Variants in KIRREL3 observed in about 807,000 individuals in gnomAD.
KIRREL3 encodes kin of IRRE-like protein 3.
KIRREL3 carries 36 observed loss-of-function variants against 89.7 expected under a neutral mutation model. The observed-to-expected ratio is 0.40, with a 90% CI of 0.31 to 0.53. The LOEUF (loss-of-function observed/expected upper bound fraction) is 0.53, where lower values mean the gene tolerates loss of function less well. Among genes scored for constraint, KIRREL3 ranks in the 20% least tolerant of loss-of-function variants. The probability of loss-of-function intolerance (pLI) is 0.49; values close to 1 mark genes in which losing one functional copy is unlikely to be tolerated. For synonymous variants in KIRREL3, 445 were observed against 441.4 expected, an observed-to-expected ratio of 1.01 and a Z score of -0.10; for missense variants, 864 against 1,056.6, an observed-to-expected ratio of 0.82 and a Z score of 2.53.
At chr11:126,831,176 C>T (rs952725637) in intron 1 of KIRREL3, among the ~76,000 whole-genome samples, 4 of 152,154 alleles carry the variant, frequency 2.6e-5, no homozygotes, top group Admixed American at 6.6e-5. Context: ...ATCAAATACC[C>T]GGCATGATGC....
Position 126,709,925 on chromosome 11 carries a change from T to C in KIRREL3, c.56-147013A>G, listed in dbSNP as rs145480478. 2.0e-5 allele frequency among the ~76,000 whole-genome samples: 3 copies of C among 152,298 alleles called. No homozygotes were observed. The highest frequency in any genetic ancestry group is 4.4e-5 in the Non-Finnish European group (3 of 68,020). On this transcript the variant is annotated intron_variant, in intron 1 of 16. Transcript: ENST00000525144. This position sits in a 1 kb window ranked among gnomAD's most constrained non-coding sequence, Gnocchi z 4.0. ...ATGTGAGCTACCTTACTGAGCATCT[T>C]CTATACAGCAAGCACCAGGCTACGC... is the stretch of plus-strand genomic sequence containing the variant.
chr11:126,853,303 G>A (rs548509343), intron 1 of KIRREL3, among the ~76,000 whole-genome samples: 2 of 152,096 alleles, frequency 1.3e-5, no homozygotes, highest in African/African-American at 2.4e-5. Context: ...AGGAAACTTG[G>A]CTTTCCAAAC....
rs890009470 is a variant in KIRREL3, at chr11:126,810,491, G to A, written c.55+189964C>T. Reference sequence around the variant, plus strand: ...TCCCTTTGGATCCTTCCAGAATCTCGGATTTCCACATGTTTCCAAGCTCTA... The same window carrying A: ...TCCCTTTGGATCCTTCCAGAATCTCAGATTTCCACATGTTTCCAAGCTCTA... On this transcript the variant is annotated intron_variant, in intron 1 of 16. Coordinates refer to ENST00000525144, the MANE Select transcript of KIRREL3 (RefSeq NM_032531.4). 3.9e-5 allele frequency among the ~76,000 whole-genome samples: 6 copies of A among 152,014 alleles called. No individual in the cohort carries two copies. The East Asian group carries it at 7.7e-4, about 20-fold the overall frequency.
Position 126,686,102 on chromosome 11 carries a change from C to T in KIRREL3, c.56-123190G>A, listed in dbSNP as rs993349604. On this transcript the variant is annotated intron_variant, in intron 1 of 16. Transcript: ENST00000525144. The surrounding 1 kb of genome is among the most constrained non-coding windows in gnomAD (Gnocchi z 4.7). ...AGCAAACCCTGCCTCAGATGGCCCC[C>T]GAGTCCATCAGCAGCTCCTTCCCTG... 5.3e-5 allele frequency among the ~76,000 whole-genome samples: 8 copies of T among 152,172 alleles called. No homozygotes were observed. Among genetic ancestry groups the T allele is most frequent in the Non-Finnish European group, 7.4e-5 (5 of 68,022 alleles).
intron 1 of KIRREL3, among the ~76,000 whole-genome samples, chr11:126,930,370 C>G (rs1947899792): frequency 6.6e-6 from 1 of 152,154 alleles, no homozygotes; most frequent in South Asian, 2.1e-4. Context: ...GGAGCTCACC[C>G]TTGCCTGTTG....
chr11:126,901,825 A>C (rs1019506876), intron 1 of KIRREL3, among the ~76,000 whole-genome samples: 3 of 152,164 alleles, frequency 2.0e-5, no homozygotes, highest in Non-Finnish European at 4.4e-5. Context: ...GGAGAGCAAA[A>C]TCCTTCAAAA....
rs1345210135 is a variant in KIRREL3, at chr11:126,703,030, G to A, written c.56-140118C>T. ...GTCTTTTTATTTTCAGAGTGGCAGG[G>A]AGGATGGTTTATGGTGAGTATGGAC... On this transcript the variant is annotated intron_variant, in intron 1 of 16. Transcript: ENST00000525144. This position sits in a 1 kb window ranked among gnomAD's most constrained non-coding sequence, Gnocchi z 4.6. Among the ~76,000 whole-genome samples, 1 of 152,228 alleles carries A rather than the reference G, an allele frequency of 6.6e-6. No individual in the cohort carries two copies. Among genetic ancestry groups the A allele is most frequent in the Non-Finnish European group, 1.5e-5 (1 of 68,046 alleles).
chr11:126,553,794 C>T lies in KIRREL3; in HGVS notation c.133+9041G>A, dbSNP rs1331342592. On this transcript the variant is annotated intron_variant, in intron 2 of 16. Coordinates refer to ENST00000525144, the MANE Select transcript of KIRREL3 (RefSeq NM_032531.4). This position sits in a 1 kb window ranked among gnomAD's most constrained non-coding sequence, Gnocchi z 4.7. ...CACTCGGCCAGGCCATTGGTCACTG[C>T]CCATGATTCAGTAAAACCTAAACAC... 5.3e-5 allele frequency among the ~76,000 whole-genome samples: 8 copies of T among 152,204 alleles called. No individual in the cohort carries two copies. The highest frequency in any genetic ancestry group is 1.2e-4 in the Non-Finnish European group (8 of 68,032).
At chr11:126,973,320 G>A (rs1005220162) in intron 1 of KIRREL3, among the ~76,000 whole-genome samples, 3 of 152,104 alleles carry the variant, frequency 2.0e-5, no homozygotes, top group Non-Finnish European at 2.9e-5. Flanking sequence ...AGCCTCAGGG[G>A]CCACCATTCA....
intron 1 of KIRREL3, among the ~76,000 whole-genome samples, chr11:126,911,811 G>A (rs981444073): frequency 2.6e-5 from 4 of 152,054 alleles, no homozygotes; most frequent in Admixed American, 2.6e-4. Context: ...GTGAAACCCT[G>A]TCTCTACTAA....
intron 1 of KIRREL3, among the ~76,000 whole-genome samples, chr11:126,646,088 T>C (rs1049273724): frequency 6.6e-6 from 1 of 152,078 alleles, no homozygotes; most frequent in African/African-American, 2.4e-5. Flanking sequence ...CAATAATGCT[T>C]TACAGCCGGC....
In KIRREL3 at chr11:126,622,002, G is replaced by A. The variant is rs953706006; in HGVS notation, c.56-59090C>T. Among the ~76,000 whole-genome samples, 1 of 152,140 alleles carries A rather than the reference G, an allele frequency of 6.6e-6. No homozygotes were observed. The highest frequency in any genetic ancestry group is 1.5e-5 in the Non-Finnish European group (1 of 68,038). On this transcript the variant is annotated intron_variant, in intron 1 of 16. Transcript: ENST00000525144. The surrounding 1 kb of genome is among the most constrained non-coding windows in gnomAD (Gnocchi z 5.2). ...GTGGGGAAGGTACATTGTAGTCTCT[G>A]GGACTGTTGGTTGTATTTCTGGACA...
intron 1 of KIRREL3, among the ~76,000 whole-genome samples, chr11:126,588,092 C>T (rs1052883744): frequency 1.3e-5 from 2 of 152,212 alleles, no homozygotes; most frequent in African/African-American, 4.8e-5. Context: ...CTTAAACTCT[C>T]TAGTCTTAGT....
chr11:126,771,582 T>G lies in KIRREL3; in HGVS notation c.56-208670A>C, dbSNP rs529145835. On this transcript the variant is annotated intron_variant, in intron 1 of 16. Coordinates refer to ENST00000525144, the MANE Select transcript of KIRREL3 (RefSeq NM_032531.4). The surrounding 1 kb of genome is among the most constrained non-coding windows in gnomAD (Gnocchi z 4.4). The stretch of plus-strand genomic sequence containing the variant: ...TACTTTTGCACCAACCGAAATAGTT[T>G]TACCAGGGCAGGGAGACACTGTCTT... 6.6e-6 allele frequency among the ~76,000 whole-genome samples: 1 copy of G among 152,336 alleles called. No homozygotes were observed. Among genetic ancestry groups the G allele is most frequent in the South Asian group, 2.1e-4 (1 of 4,820 alleles).
rs1950181862 is a variant in KIRREL3, at chr11:126,776,816, A to G, written c.56-213904T>C. The stretch of plus-strand genomic sequence containing the variant: ...AGCATTTTCAGAGGAGCCCTGAGAG[A>G]TGGGGGCTCATACCCAGCCAGCAGT... On this transcript the variant is annotated intron_variant, in intron 1 of 16. Coordinates refer to ENST00000525144, the MANE Select transcript of KIRREL3 (RefSeq NM_032531.4). The surrounding 1 kb of genome is among the most constrained non-coding windows in gnomAD (Gnocchi z 4.7). Among the ~76,000 whole-genome samples, 1 of 152,102 alleles carries G rather than the reference A, an allele frequency of 6.6e-6. No homozygotes were observed. Among genetic ancestry groups the G allele is most frequent in the South Asian group, 2.1e-4 (1 of 4,826 alleles).
chr11:126,769,374 G>A lies in KIRREL3; in HGVS notation c.56-206462C>T, dbSNP rs1949948404. ...GGATAGAATTTTGGTGATAAAGAGA[G>A]GCCAGAGTCTCACAAATCCTGCAAT... On this transcript the variant is annotated intron_variant, in intron 1 of 16. Coordinates refer to ENST00000525144, the MANE Select transcript of KIRREL3 (RefSeq NM_032531.4). The surrounding 1 kb of genome is among the most constrained non-coding windows in gnomAD (Gnocchi z 4.3). 6.6e-6 allele frequency among the ~76,000 whole-genome samples: 1 copy of A among 152,158 alleles called. No individual in the cohort carries two copies.
At chr11:126,588,453 G>A (rs1565574471) in intron 1 of KIRREL3, among the ~76,000 whole-genome samples, 1 of 152,310 alleles carries the variant, frequency 6.6e-6, no homozygotes, top group Non-Finnish European at 1.5e-5. Context: ...AGGAATTGGG[G>A]ACTCCCCTTT....
At position 126,711,418 on chromosome 11, in the gene KIRREL3, G is replaced by A. The variant is rs553015802; in HGVS notation, c.56-148506C>T. Among the ~76,000 whole-genome samples the A allele has an allele frequency of 1.6e-3, 248 of 152,178 alleles. 1 individual carries two copies. Among genetic ancestry groups the A allele is most frequent in the African/African-American group, 5.7e-3 (237 of 41,502 alleles). On this transcript the variant is annotated intron_variant, in intron 1 of 16. Transcript: ENST00000525144. Reference sequence around the variant, plus strand: ...TCTACTAAAAATACAGAAATTAGCTGGGGGGTGGTGGCTCATGCCTATAAT... The same window carrying A: ...TCTACTAAAAATACAGAAATTAGCTAGGGGGTGGTGGCTCATGCCTATAAT...
At chr11:126,929,953 C>T (rs754756794) in intron 1 of KIRREL3, among the ~76,000 whole-genome samples, 2 of 151,928 alleles carry the variant, frequency 1.3e-5, no homozygotes, top group East Asian at 1.9e-4. Flanking sequence ...GAGCCACCCC[C>T]CCCCCCCCAC....
Sources: allele counts gnomAD v4.1 joint callset (sites outside exome capture counted in the v4.1 genomes callset), GRCh38; gene constraint gnomAD v4.1.1; non-coding constraint Gnocchi (gnomAD v3.1); transcripts MANE v1.5; gene names NCBI Gene and HGNC (gene_info 2026-07-23, HGNC 2026-07-21).